Variants in GID4 observed in about 807,000 individuals in gnomAD.
GID4 encodes GID complex subunit 4 homolog.
A neutral mutation model predicts 32.4 loss-of-function variants in GID4; 7 were observed. That is an observed-to-expected ratio of 0.22 (90% CI 0.12 to 0.41). GID4 has a LOEUF of 0.41. GID4 is among the 10% of genes least tolerant of loss of function. The pLI, the probability that GID4 is intolerant of heterozygous loss-of-function variation, is 1.00. For synonymous variants in GID4, 166 were observed against 170.0 expected (o/e 0.98, Z 0.18); for missense variants, 309 against 400.0 (o/e 0.77, Z 1.94).
intron 5 of GID4, among the ~76,000 whole-genome samples, chr17:18,063,115 TAAA>T (rs2045030689): frequency 7.5e-6 from 1 of 133,024 alleles, no homozygotes. Flanking sequence ...AATAAATAAA[TAAA>T]TAACAGCTTT....
chr17:18,040,636 G>T (rs540751221), intron 1 of GID4, among the ~76,000 whole-genome samples: 1 of 152,238 alleles, frequency 6.6e-6, no homozygotes, highest in South Asian at 2.1e-4. Context: ...TCCACCCCCA[G>T]GCCTCCTGCC....
Position 18,039,959 on chromosome 17 carries a change from G to A in GID4, c.438+57G>A. 2.3e-6 allele frequency: 3 copies of A among 1,292,342 alleles called. No homozygotes were observed. Among genetic ancestry groups the A allele is most frequent in the Non-Finnish European group, 2.0e-6 (2 of 1,015,798 alleles). 80.1% of individuals were successfully genotyped at this position (1,292,342 alleles called of 1,614,324 possible). On this transcript the variant is annotated intron_variant, in intron 1 of 5. Transcript: ENST00000268719. The surrounding 1 kb of genome is among the most constrained non-coding windows in gnomAD (Gnocchi z 5.3). ...CCTCCTCGCGGCGCTCACGGGCCGT[G>A]CCCGCTTCGGCTCCTCGACCCCGCA... is the stretch of plus-strand genomic sequence containing the variant.
At chr17:18,057,907 C>T (rs1194294127) in intron 3 of GID4, among the ~76,000 whole-genome samples, 1 of 152,068 alleles carries the variant, frequency 6.6e-6, no homozygotes, top group Non-Finnish European at 1.5e-5. Context: ...GATCTCGGCT[C>T]ATTGCAAGCT....
At chr17:18,058,818 C>T in intron 3 of GID4, 50 bp from the exon 4 acceptor site, 1 of 1,137,734 alleles carries the variant, frequency 8.8e-7, no homozygotes, top group Non-Finnish European at 1.3e-6. Flanking sequence ...GTTCTGAGAG[C>T]AGCCTCTCCT....
In GID4 at chr17:18,039,574, G is replaced by T; in HGVS notation, c.110G>T (p.Arg37Leu). 1.5e-6 allele frequency: 2 copies of T among 1,301,634 alleles called. No individual in the cohort carries two copies. The highest frequency in any genetic ancestry group is 4.2e-5 in the Admixed American group (1 of 23,958). 80.6% of individuals were successfully genotyped at this position (1,301,634 alleles called of 1,614,324 possible). A position where few individuals can be genotyped will look rare whatever the true frequency, so the allele number is the denominator to read the frequency against. ...CCGGAGCGCTTGCTCCGCAGGCAGCGGGCGGGTGGTCGCCCCTCCCGCCCC... is the reference window on the plus strand; with the variant it reads ...CCGGAGCGCTTGCTCCGCAGGCAGCTGGCGGGTGGTCGCCCCTCCCGCCCC... ...WRPERLLRRQ[R>L]AGGRPSRPHP... Residue 37 changes from arginine (R) to leucine (L), a missense_variant, in exon 1 of 6, where the codon CGG becomes CTG. By Grantham distance (102) the Arg-to-Leu change is moderately radical. Coordinates refer to ENST00000268719, the MANE Select transcript of GID4 (RefSeq NM_024052.5). This position sits in a 1 kb window ranked among gnomAD's most constrained non-coding sequence, Gnocchi z 5.3.
intron 1 of GID4, among the ~76,000 whole-genome samples, chr17:18,040,108 C>T (rs1292258124): frequency 6.6e-6 from 1 of 152,090 alleles, no homozygotes; most frequent in Non-Finnish European, 1.5e-5. Context: ...GACCCAGAGC[C>T]CGTCGTGACC....
chr17:18,053,566 G>A (rs1020640660), intron 2 of GID4, among the ~76,000 whole-genome samples: 12 of 151,988 alleles, frequency 7.9e-5, no homozygotes, highest in African/African-American at 2.7e-4. Flanking sequence ...GCAGTGAACC[G>A]AAATTGTGCC....
chr17:18,040,907 G>C (rs1227495008), intron 1 of GID4, among the ~76,000 whole-genome samples: 1 of 152,146 alleles, frequency 6.6e-6, no homozygotes, highest in Non-Finnish European at 1.5e-5. Flanking sequence ...GCCAGTCCCT[G>C]ATCAGCTTCG....
rs1190745932 is a variant in GID4 at position 18,067,305 on chromosome 17, C to G, written c.*2062C>G. ...ACTGAGTCCGGAGGTCATCCCTGAG[C>G]TCATCCACGGCTCATGCTGTGGCTC... On this transcript the variant is annotated 3_prime_UTR_variant, in exon 6 of 6. Coordinates refer to ENST00000268719, the MANE Select transcript of GID4 (RefSeq NM_024052.5). 1 of 152,320 alleles carries G rather than the reference C, an allele frequency of 6.6e-6. No homozygotes were observed. The highest frequency in any genetic ancestry group is 1.5e-5 in the Non-Finnish European group (1 of 68,114). The allele number at this position is 152,320 out of a possible 1,614,324, so 9.4% of individuals were successfully genotyped here.
At chr17:18,060,223 C>T (rs968182282) in intron 4 of GID4, among the ~76,000 whole-genome samples, 13 of 151,340 alleles carry the variant, frequency 8.6e-5, no homozygotes, top group South Asian at 4.2e-4. Context: ...TGTGGTGAAA[C>T]CCCGTCTTTA....
At chr17:18,041,174 G>A (rs2044799316) in intron 1 of GID4, among the ~76,000 whole-genome samples, 1 of 152,018 alleles carries the variant, frequency 6.6e-6, no homozygotes, top group African/African-American at 2.4e-5. Context: ...CCCTCTGAAA[G>A]GCACTGTGTG....
chr17:18,046,958 CT>C (rs1403858067), intron 2 of GID4, among the ~76,000 whole-genome samples: 7 of 148,724 alleles, frequency 4.7e-5, no homozygotes, highest in Non-Finnish European at 8.9e-5. Context: ...CCTGCTCTGT[CT>C]AAGACAATCA....
intron 3 of GID4, among the ~76,000 whole-genome samples, chr17:18,054,677 G>A (rs544158357): frequency 1.6e-4 from 24 of 152,252 alleles, no homozygotes; most frequent in Non-Finnish European, 2.4e-4. Context: ...GCTTATCAGG[G>A]CAGAGCCACA....
chr17:18,060,043 G>A (rs368202058), intron 4 of GID4, among the ~76,000 whole-genome samples: 1 of 137,122 alleles, frequency 7.3e-6, no homozygotes, highest in Non-Finnish European at 1.5e-5. Flanking sequence ...CTGAGATCAC[G>A]CCACTGCACT....
At chr17:18,040,242 G>T (rs1005606069) in intron 1 of GID4, among the ~76,000 whole-genome samples, 2 of 152,162 alleles carry the variant, frequency 1.3e-5, no homozygotes, top group Admixed American at 1.3e-4. Flanking sequence ...GTCGTCCCTA[G>T]ATCAGGGACT....
At position 18,039,435 on chromosome 17, in the gene GID4, T is replaced by TTG. The variant is rs1268518075; in HGVS notation, c.-24_-23dup. On this transcript the variant is annotated 5_prime_UTR_variant, in exon 1 of 6. Transcript: ENST00000268719. The surrounding 1 kb of genome is among the most constrained non-coding windows in gnomAD (Gnocchi z 5.3). ...GTGTGTGTCTGTGTGTGTTTGTGTG[T>TTG]TGTGTGTCTGTGAGTGTCTGTGTGT... The TTG allele has an allele frequency of 7.4e-7, 1 of 1,348,596 alleles. No individual in the cohort carries two copies. The highest frequency in any genetic ancestry group is 9.7e-7 in the Non-Finnish European group (1 of 1,031,790). The allele number at this position is 1,348,596 out of a possible 1,614,324, so 83.5% of individuals were successfully genotyped here. A position where few individuals can be genotyped will look rare whatever the true frequency, so the allele number is the denominator to read the frequency against.
chr17:18,049,228 CAGG>C (rs556011121), intron 2 of GID4, among the ~76,000 whole-genome samples: 56 of 151,118 alleles, frequency 3.7e-4, no homozygotes, highest in African/African-American at 1.2e-3. Flanking sequence ...CCCAGCTACT[CAGG>C]AGGCTGAGGC....
Position 18,059,837 on chromosome 17 carries a change from GCA to G in GID4, c.708+870_708+871del, listed in dbSNP as rs369194889. Among the ~76,000 whole-genome samples, 728 of 152,178 alleles carry G rather than the reference GCA, an allele frequency of 4.8e-3. 6 individuals are homozygous for G. The highest frequency in any genetic ancestry group is 0.017 in the African/African-American group (703 of 41,510). ...GTGGTGGATCACACCTGTAATCCCA[GCA>G]CTTTGGGAGGCTGAAGCAGGCAGAT... On this transcript the variant is annotated intron_variant, in intron 4 of 5. Coordinates refer to ENST00000268719, the MANE Select transcript of GID4 (RefSeq NM_024052.5).
rs572598057 is a variant in GID4 at position 18,068,144 on chromosome 17, A to G, written c.*2901A>G. 2 of 152,790 alleles carry G rather than the reference A, an allele frequency of 1.3e-5. No homozygotes were observed. The highest frequency in any genetic ancestry group is 4.1e-4 in the South Asian group (2 of 4,828). The allele number at this position is 152,790 out of a possible 1,614,324, so 9.5% of individuals were successfully genotyped here. A position where few individuals can be genotyped will look rare whatever the true frequency, so the allele number is the denominator to read the frequency against. On this transcript the variant is annotated 3_prime_UTR_variant, in exon 6 of 6. Transcript: ENST00000268719. Reference sequence around the variant, plus strand: ...TTCTCATAAAATAGTCTGATAAGCTAATTTTTAAAAAGAAATGCCATTAAC... The same window carrying G: ...TTCTCATAAAATAGTCTGATAAGCTGATTTTTAAAAAGAAATGCCATTAAC...
Sources: gnomAD v4.1 joint callset for allele counts (sites outside exome capture counted in the v4.1 genomes callset) on GRCh38, gnomAD v4.1.1 for gene constraint, Gnocchi (gnomAD v3.1) non-coding constraint, MANE v1.5 for transcripts, NCBI Gene and HGNC (gene_info 2026-07-23, HGNC 2026-07-21) for gene names.